Variants in TSHZ3 observed in about 807,000 individuals in gnomAD.
TSHZ3 encodes the protein teashirt zinc finger homeobox 3.
Under a neutral mutation model 64.5 loss-of-function variants are expected in TSHZ3, and 10 were observed. That is an observed-to-expected ratio of 0.16 (90% CI 0.10 to 0.26). The LOEUF is 0.26. Ranked by LOEUF, TSHZ3 falls within the 10% of genes least tolerant of loss-of-function variation. The probability of loss-of-function intolerance (pLI) is 1.00; values close to 1 mark genes in which losing one functional copy is unlikely to be tolerated. For synonymous variants in TSHZ3, 608 were observed against 593.1 expected (o/e 1.03, Z -0.36); for missense variants, 1,242 against 1,421.7 (o/e 0.87, Z 2.03).
At chr19:31,265,083 T>C (rs988226370) in intron 1 of TSHZ3, among the ~76,000 whole-genome samples, 1 of 152,068 alleles carries the variant, frequency 6.6e-6, no homozygotes, top group African/African-American at 2.4e-5. Flanking sequence ...TAGGAGAACC[T>C]GCTCCCAGTG....
intron 1 of TSHZ3, among the ~76,000 whole-genome samples, chr19:31,324,825 T>C (rs964098364): frequency 2.3e-5 from 2 of 87,352 alleles, no homozygotes; most frequent in African/African-American, 3.2e-5. Context: ...AGCACAGTGA[T>C]TTTTTTTTTA....
At chr19:31,293,078 A>AATCC (rs1296438809) in intron 1 of TSHZ3, among the ~76,000 whole-genome samples, 3 of 137,250 alleles carry the variant, frequency 2.2e-5, no homozygotes, top group African/African-American at 8.2e-5. Context: ...TCCATCCAAA[A>AATCC]ATCCATCCAT....
chr19:31,288,048 C>T (rs908156919), intron 1 of TSHZ3, among the ~76,000 whole-genome samples: 2 of 152,198 alleles, frequency 1.3e-5, no homozygotes, highest in African/African-American at 4.8e-5. Flanking sequence ...CATCCTCCCA[C>T]CTCAGCCTCC....
At chr19:31,312,448 AT>A (rs758395640) in intron 1 of TSHZ3, among the ~76,000 whole-genome samples, 1 of 152,194 alleles carries the variant, frequency 6.6e-6, no homozygotes, top group Non-Finnish European at 1.5e-5. Context: ...AGGGCAGCAA[AT>A]TCCCATCAGA....
intron 1 of TSHZ3, among the ~76,000 whole-genome samples, chr19:31,339,386 C>T (rs1917359069): frequency 6.6e-6 from 1 of 152,064 alleles, no homozygotes; most frequent in Non-Finnish European, 1.5e-5. Flanking sequence ...CGCACCCAGC[C>T]ATCCAGAAGC....
In TSHZ3 at chr19:31,302,275, C is replaced by T. The variant is rs145778676; in HGVS notation, c.41-22523G>A. On this transcript the variant is annotated intron_variant, in intron 1 of 1. Transcript: ENST00000240587. ...GAGCTGACCCTCCGCCCTTGTGATC[C>T]GTGCCCTGGAAACATAGAGCCACAG... is the stretch of plus-strand genomic sequence containing the variant. 4.4e-3 allele frequency among the ~76,000 whole-genome samples: 666 copies of T among 152,240 alleles called. 8 individuals are homozygous for T. Among genetic ancestry groups the T allele is most frequent in the African/African-American group, 0.015 (624 of 41,536 alleles).
chr19:31,271,177 A>AG (rs1290173521), downstream of TSHZ3, among the ~76,000 whole-genome samples: 1 of 152,134 alleles, frequency 6.6e-6, no homozygotes, highest in African/African-American at 2.4e-5. Flanking sequence ...TTGGCAGGGC[A>AG]GGGGATATAG....
At chr19:31,338,815 T>G (rs1329963845) in intron 1 of TSHZ3, among the ~76,000 whole-genome samples, 1 of 150,982 alleles carries the variant, frequency 6.6e-6, no homozygotes. Flanking sequence ...TCCCTCCATC[T>G]TTTTTTTCTT....
chr19:31,178,844 T>C (rs1974654354), intron 5 of TSHZ3, among the ~76,000 whole-genome samples: 1 of 152,160 alleles, frequency 6.6e-6, no homozygotes, highest in Admixed American at 6.5e-5. Context: ...TAGAAGATAA[T>C]GCCTGAGCTG....
intron 5 of TSHZ3, among the ~76,000 whole-genome samples, chr19:31,166,772 A>G (rs1974458281): frequency 6.6e-6 from 1 of 152,236 alleles, no homozygotes; most frequent in South Asian, 2.1e-4. Flanking sequence ...CCAAAAGACT[A>G]TATGCCCCTA....
Position 31,151,447 on chromosome 19 carries a change from T to C in TSHZ3, n.1169A>G, listed in dbSNP as rs996281156. 5.3e-5 allele frequency among the ~76,000 whole-genome samples: 8 copies of C among 152,308 alleles called. 1 individual carries two copies. Among genetic ancestry groups the C allele is most frequent in the Admixed American group, 1.3e-4 (2 of 15,298 alleles). ...TAGAGAGACCTGGCCTGATCCCCTT[T>C]CTTCTGACCTAGCCACCCAGTCTTC... On this transcript the variant is annotated non_coding_transcript_exon_variant, in exon 7 of 7. Coordinates refer to the TSHZ3 transcript ENST00000651361.
chr19:31,268,507 C>T (rs1465161362), intron 1 of TSHZ3, among the ~76,000 whole-genome samples: 1 of 152,192 alleles, frequency 6.6e-6, no homozygotes, highest in Admixed American at 6.5e-5. Context: ...TCTAAAGCTT[C>T]TGAAAACAGA....
chr19:31,282,445 T>C (rs1317042755), intron 1 of TSHZ3, among the ~76,000 whole-genome samples: 4 of 152,058 alleles, frequency 2.6e-5, no homozygotes, highest in African/African-American at 4.8e-5. Flanking sequence ...ATAGTGGACA[T>C]GAAAGAGTCC....
chr19:31,174,305 A>T (rs951115953), intron 5 of TSHZ3, among the ~76,000 whole-genome samples: 2 of 152,162 alleles, frequency 1.3e-5, no homozygotes, highest in African/African-American at 4.8e-5. Flanking sequence ...ACAGGAAAAG[A>T]CCAGTGTCCC....
intron 1 of TSHZ3, among the ~76,000 whole-genome samples, chr19:31,334,333 T>C (rs1481575893): frequency 1.7e-4 from 26 of 152,216 alleles, no homozygotes; most frequent in Non-Finnish European, 2.9e-5. Flanking sequence ...AGAAATGGAA[T>C]GGGAACATTT....
intron 1 of TSHZ3, among the ~76,000 whole-genome samples, chr19:31,284,460 G>A (rs938057234): frequency 5.3e-5 from 8 of 152,052 alleles, no homozygotes; most frequent in Admixed American, 3.3e-4. Flanking sequence ...CACTGGGCTC[G>A]GAAGAAGATC....
intron 5 of TSHZ3, among the ~76,000 whole-genome samples, chr19:31,196,212 G>A (rs983941508): frequency 1.3e-5 from 2 of 151,924 alleles, no homozygotes; most frequent in Non-Finnish European, 2.9e-5. Flanking sequence ...CAGTATAGCA[G>A]TATAGTTACA....
intron 5 of TSHZ3, among the ~76,000 whole-genome samples, chr19:31,164,820 A>G (rs1974422321): frequency 6.6e-6 from 1 of 152,174 alleles, no homozygotes; most frequent in African/African-American, 2.4e-5. Flanking sequence ...CCCTCTCTGC[A>G]ACAGGACATC....
chr19:31,224,183 T>C (rs1389656561), intron 4 of TSHZ3, among the ~76,000 whole-genome samples: 1 of 152,202 alleles, frequency 6.6e-6, no homozygotes, highest in African/African-American at 2.4e-5. Context: ...AAGCATTAAA[T>C]AAGGTTTACC....
Sources: allele counts gnomAD v4.1 joint callset (sites outside exome capture counted in the v4.1 genomes callset), GRCh38; gene constraint gnomAD v4.1.1; transcripts MANE v1.5; gene names NCBI Gene and HGNC (gene_info 2026-07-23, HGNC 2026-07-21).